The following MTUS1 variants were observed in gnomAD, a reference collection of about 807,000 sequenced individuals.
The protein encoded by MTUS1 is microtubule-associated tumor suppressor 1.
MTUS1 carries 109 observed loss-of-function variants against 120.8 expected under a neutral mutation model. The ratio of observed to expected loss-of-function variants is 0.90; its 90% CI spans 0.77 to 1.06. The LOEUF is 1.06. Among genes scored for constraint, MTUS1 ranks in the 50% least tolerant of loss-of-function variants. MTUS1 has a pLI of 0.00. For missense variants in MTUS1, 2,210 were observed against 1,486.3 expected, an observed-to-expected ratio of 1.49 and a Z score of -8.01; for synonymous variants, 737 against 550.5, an observed-to-expected ratio of 1.34 and a Z score of -4.74.
chr8:17,669,446 G>C (rs773664416), intron 8 of MTUS1, among the ~76,000 whole-genome samples: 2 of 152,126 alleles, frequency 1.3e-5, no homozygotes, highest in Non-Finnish European at 2.9e-5. Context: ...GCCTAGACGT[G>C]AATTTGGACT....
Position 17,684,411 on chromosome 8 carries a change from T to C in MTUS1, c.2755A>G (p.Ile919Val). The change falls in exon 7 of 15, where the codon ATC (isoleucine) becomes GTC (valine). Residue 919 changes from isoleucine (I) to valine (V), a missense_variant. Coordinates refer to ENST00000693296, the MANE Select transcript of MTUS1 (RefSeq NM_001363059.2). ...KTKCENQSGFILQLKQLLACG... is the reference protein window; with the variant it reads ...KTKCENQSGFVLQLKQLLACG... ...GCAAGAAGCTGCTTGAGCTGCAGGA[T>C]AAATCCACTTTGGTTTTCACATTTT... 1.2e-6 allele frequency: 2 copies of C among 1,614,230 alleles called. No individual in the cohort carries two copies. The highest frequency in any genetic ancestry group is 1.3e-5 in the African/African-American group (1 of 75,058).
chr8:17,674,848 T>C (rs147130376), intron 8 of MTUS1: 76 of 1,116,044 alleles, frequency 6.8e-5, no homozygotes, highest in African/African-American at 4.0e-4. Context: ...ACTATTCTCA[T>C]ATGAAAAGTG....
At chr8:17,706,363 C>T (rs78930835) in intron 6 of MTUS1, among the ~76,000 whole-genome samples, 6,473 of 152,142 alleles carry the variant, frequency 0.043, 162 homozygotes, top group Middle Eastern at 0.065. Flanking sequence ...AAATAGAAAG[C>T]AGCAGGACGA....
At chr8:17,676,034 G>A in intron 7 of MTUS1, 1 of 555,346 alleles carries the variant, frequency 1.8e-6, no homozygotes, top group Non-Finnish European at 3.2e-6. Context: ...AGATTCCCTA[G>A]CACCAGGGAG....
chr8:17,736,951 A>C (rs975182286), intron 3 of MTUS1, among the ~76,000 whole-genome samples: 1 of 152,160 alleles, frequency 6.6e-6, no homozygotes, highest in African/African-American at 2.4e-5. Context: ...TAATCCCCTT[A>C]TTAGAATTTA....
At chr8:17,710,656 T>C (rs1392394757) in intron 6 of MTUS1, among the ~76,000 whole-genome samples, 1 of 152,212 alleles carries the variant, frequency 6.6e-6, no homozygotes, top group Non-Finnish European at 1.5e-5. Context: ...CTCCCATGAA[T>C]CACGAATGTT....
At chr8:17,720,543 T>C (rs1042876581) in intron 4 of MTUS1, among the ~76,000 whole-genome samples, 1 of 152,122 alleles carries the variant, frequency 6.6e-6, no homozygotes, top group African/African-American at 2.4e-5. Context: ...ACCTCTTACA[T>C]TTCCCCTACC....
At position 17,770,217 on chromosome 8, in the gene MTUS1, C is replaced by T. The variant is rs116202809; in HGVS notation, c.-154-14256G>A. Among the ~76,000 whole-genome samples the T allele has an allele frequency of 3.5e-3, 539 of 152,262 alleles. 5 individuals carry two copies. The highest frequency in any genetic ancestry group is 0.012 in the African/African-American group (509 of 41,558). On this transcript the variant is annotated intron_variant, in intron 1 of 14. Coordinates refer to ENST00000693296, the MANE Select transcript of MTUS1 (RefSeq NM_001363059.2). ...CAAAAAGTACATAAGGGGATACTCA[C>T]TTTTCTGCATAATCATCTTAGCATT...
intron 1 of MTUS1, among the ~76,000 whole-genome samples, chr8:17,784,820 T>C (rs2051166613): frequency 6.6e-6 from 1 of 151,412 alleles, no homozygotes; most frequent in South Asian, 2.1e-4. Flanking sequence ...AGGCTTGCTC[T>C]ATCACCCAGG....
chr8:17,733,074 G>C (rs764880984), intron 3 of MTUS1, among the ~76,000 whole-genome samples: 3 of 152,060 alleles, frequency 2.0e-5, no homozygotes, highest in Non-Finnish European at 2.9e-5. Context: ...ATCCACGCTG[G>C]GCACGGTGCC....
At chr8:17,796,503 C>A (rs76444354) in intron 1 of MTUS1, among the ~76,000 whole-genome samples, 3,078 of 152,266 alleles carry the variant, frequency 0.02, 115 homozygotes, top group African/African-American at 0.071. Flanking sequence ...ACCCTTTCTT[C>A]CTTGATTGTG....
rs1805735336 is a variant in MTUS1 at position 17,646,120 on chromosome 8, C to T, written c.3619G>A (p.Ala1207Thr). The T allele has an allele frequency of 6.2e-7, 1 of 1,612,578 alleles. No individual in the cohort carries two copies. The highest frequency in any genetic ancestry group is 8.5e-7 in the Non-Finnish European group (1 of 1,179,562). The change falls in exon 15 of 15, where the codon GCT becomes ACT. Residue 1207 changes from alanine to threonine, a missense_variant. Transcript: ENST00000693296. The stretch of plus-strand genomic sequence containing the variant: ...TTCTCCAGCGACTCTTGCAGAACAG[C>T]CTGCTCCGTGGAAAGCTGCCTTGAA... ...AISRQLSTEQ[A>T]VLQESLEKES...
chr8:17,725,905 T>A (rs1236449430), intron 3 of MTUS1, among the ~76,000 whole-genome samples: 4 of 152,194 alleles, frequency 2.6e-5, no homozygotes, highest in Non-Finnish European at 5.9e-5. Flanking sequence ...AGGATGGTGA[T>A]CGTAGTTTCA....
At chr8:17,669,674 C>T (rs902026566) in intron 8 of MTUS1, among the ~76,000 whole-genome samples, 5 of 151,972 alleles carry the variant, frequency 3.3e-5, no homozygotes, top group African/African-American at 1.2e-4. Context: ...GGTGAAACCT[C>T]GTCTCTACTA....
intron 6 of MTUS1, among the ~76,000 whole-genome samples, chr8:17,689,657 C>CA (rs949979806): frequency 5.5e-4 from 84 of 152,042 alleles, no homozygotes; most frequent in Admixed American, 4.7e-3. Flanking sequence ...CTATAGCAAC[C>CA]AAAAAAGCAT....
At chr8:17,799,576 T>C (rs1042495764) in intron 1 of MTUS1, among the ~76,000 whole-genome samples, 1 of 152,130 alleles carries the variant, frequency 6.6e-6, no homozygotes, top group African/African-American at 2.4e-5. Context: ...GGCTATTAAG[T>C]AACAGGCTTT....
At chr8:17,775,045 A>C (rs10092111) in intron 1 of MTUS1, among the ~76,000 whole-genome samples, 4,748 of 150,074 alleles carry the variant, frequency 0.032, 246 homozygotes, top group African/African-American at 0.11. Flanking sequence ...CACCTGGAGT[A>C]GTCAAATGAA....
intron 1 of MTUS1, among the ~76,000 whole-genome samples, chr8:17,798,654 T>C (rs939308240): frequency 2.0e-5 from 3 of 152,178 alleles, no homozygotes; most frequent in East Asian, 3.9e-4. Flanking sequence ...TTAAATCTTC[T>C]ACCACAGTCA....
At chr8:17,746,501 C>T (rs1224580503) in intron 2 of MTUS1, among the ~76,000 whole-genome samples, 4 of 152,112 alleles carry the variant, frequency 2.6e-5, no homozygotes, top group Non-Finnish European at 5.9e-5. Context: ...TCTTACAAGG[C>T]AGCAGACAAG....
Sources: gnomAD v4.1 joint callset for allele counts (sites outside exome capture counted in the v4.1 genomes callset) on GRCh38, gnomAD v4.1.1 for gene constraint, MANE v1.5 for transcripts, NCBI Gene and HGNC (gene_info 2026-07-23, HGNC 2026-07-21) for gene names.